Variants in NXPH1 observed in about 807,000 individuals in gnomAD.
NXPH1 encodes neurexophilin-1.
Under a neutral mutation model 23.7 loss-of-function variants are expected in NXPH1, and 5 were observed. The observed-to-expected ratio is 0.21, with a 90% CI of 0.11 to 0.44. The LOEUF (loss-of-function observed/expected upper bound fraction) is 0.44. NXPH1 is among the 20% of genes least tolerant of loss of function. The pLI is 0.99. For missense variants in NXPH1, 324 were observed against 321.6 expected, an observed-to-expected ratio of 1.01 and a Z score of -0.06; for synonymous variants, 144 against 122.2, an observed-to-expected ratio of 1.18 and a Z score of -1.18.
At chr7:8,623,504 GTAAT>G (rs1490949364) in intron 2 of NXPH1, among the ~76,000 whole-genome samples, 1 of 151,692 alleles carries the variant, frequency 6.6e-6, no homozygotes, top group African/African-American at 2.4e-5. Context: ...AAGAAACAGA[GTAAT>G]TAACTACAAA....
intron 2 of NXPH1, chr7:8,690,399 A>G (rs1821205674): frequency 6.6e-6 from 1 of 152,168 alleles, no homozygotes; most frequent in Non-Finnish European, 1.5e-5. Context: ...TCTTAAACCC[A>G]AGTACTTCAC....
intron 2 of NXPH1, among the ~76,000 whole-genome samples, chr7:8,695,912 T>G (rs528642964): frequency 6.6e-6 from 1 of 152,318 alleles, no homozygotes; most frequent in South Asian, 2.1e-4. Flanking sequence ...GTTTCTTAAT[T>G]TCTTCTTTTT....
chr7:8,672,228 C>CA (rs1820880439), intron 2 of NXPH1, among the ~76,000 whole-genome samples: 1 of 151,898 alleles, frequency 6.6e-6, no homozygotes, highest in Non-Finnish European at 1.5e-5. Context: ...ATCGCAAGGA[C>CA]AAAAAACCAA....
intron 2 of NXPH1, among the ~76,000 whole-genome samples, chr7:8,568,940 A>G (rs1220346503): frequency 6.6e-6 from 1 of 151,930 alleles, no homozygotes; most frequent in Non-Finnish European, 1.5e-5. Context: ...TTCCAAGTTA[A>G]CAAATGCAAG....
At chr7:8,480,675 C>A (rs1352774632) in intron 2 of NXPH1, among the ~76,000 whole-genome samples, 1 of 152,176 alleles carries the variant, frequency 6.6e-6, no homozygotes, top group East Asian at 1.9e-4. Flanking sequence ...AACAGCTGTA[C>A]TTTCCAGAAC....
intron 2 of NXPH1, among the ~76,000 whole-genome samples, chr7:8,489,754 T>C (rs1817218206): frequency 1.3e-5 from 2 of 152,108 alleles, no homozygotes; most frequent in South Asian, 4.1e-4. Flanking sequence ...AGGACCTGCC[T>C]TAACATACCC....
intron 2 of NXPH1, among the ~76,000 whole-genome samples, chr7:8,447,917 G>C (rs556506649): frequency 6.6e-6 from 1 of 152,292 alleles, no homozygotes; most frequent in African/African-American, 2.4e-5. Flanking sequence ...CTTCCAGCCA[G>C]GTGGATAATA....
At chr7:8,452,616 A>C (rs1816526616) in intron 2 of NXPH1, among the ~76,000 whole-genome samples, 1 of 152,168 alleles carries the variant, frequency 6.6e-6, no homozygotes, top group Non-Finnish European at 1.5e-5. Context: ...ATTAATTAGG[A>C]TCCTAGGCAA....
At chr7:8,532,183 A>G (rs1817958069) in intron 2 of NXPH1, among the ~76,000 whole-genome samples, 1 of 152,078 alleles carries the variant, frequency 6.6e-6, no homozygotes, top group South Asian at 2.1e-4. Flanking sequence ...AGGGAAAGAT[A>G]TTTTCCTGCT....
At chr7:8,546,561 G>C (rs1030529130) in intron 2 of NXPH1, among the ~76,000 whole-genome samples, 1 of 151,392 alleles carries the variant, frequency 6.6e-6, no homozygotes, top group Admixed American at 6.6e-5. Context: ...GTCTGGAGTA[G>C]AGCTTGTGAA....
At chr7:8,548,248 A>G (rs181164529) in intron 2 of NXPH1, among the ~76,000 whole-genome samples, 68 of 151,660 alleles carry the variant, frequency 4.5e-4, no homozygotes, top group African/African-American at 1.6e-3. Context: ...GGAGTTTACC[A>G]TGCTCCTCAA....
chr7:8,557,218 G>A (rs536307937), intron 2 of NXPH1, among the ~76,000 whole-genome samples: 12 of 151,698 alleles, frequency 7.9e-5, no homozygotes, highest in African/African-American at 2.9e-4. Flanking sequence ...GTTCATGTGG[G>A]TACATCCCGG....
At chr7:8,518,343 T>TTCA (rs1817719497) in intron 2 of NXPH1, among the ~76,000 whole-genome samples, 2 of 152,236 alleles carry the variant, frequency 1.3e-5, no homozygotes, top group East Asian at 3.9e-4. Context: ...CATAAATGTC[T>TTCA]TCATCATCAA....
At chr7:8,749,058 A>G (rs1005143390) in intron 2 of NXPH1, among the ~76,000 whole-genome samples, 4 of 152,116 alleles carry the variant, frequency 2.6e-5, no homozygotes, top group African/African-American at 7.2e-5. Flanking sequence ...ATTTTTTTCC[A>G]CATTCCAAGC....
At chr7:8,471,718 G>C (rs1816875660) in intron 2 of NXPH1, among the ~76,000 whole-genome samples, 1 of 152,048 alleles carries the variant, frequency 6.6e-6, no homozygotes, top group Non-Finnish European at 1.5e-5. Flanking sequence ...CAAAATCTTT[G>C]TGAAGGTTTT....
At chr7:8,462,713 G>T (rs764147024) in intron 2 of NXPH1, among the ~76,000 whole-genome samples, 2 of 152,134 alleles carry the variant, frequency 1.3e-5, no homozygotes, top group Non-Finnish European at 2.9e-5. Context: ...ACAACATGTT[G>T]TACATGATAT....
intron 2 of NXPH1, among the ~76,000 whole-genome samples, chr7:8,522,399 T>C (rs191894541): frequency 6.6e-6 from 1 of 152,350 alleles, no homozygotes; most frequent in African/African-American, 2.4e-5. Flanking sequence ...TTGAATGTGA[T>C]GACTAATTAT....
chr7:8,528,668 A>G (rs977217953), intron 2 of NXPH1, among the ~76,000 whole-genome samples: 1 of 152,194 alleles, frequency 6.6e-6, no homozygotes, highest in Admixed American at 6.5e-5. Context: ...CATAAGGTTT[A>G]CTTTGTTGAA....
chr7:8,508,486 G>T lies in NXPH1; in HGVS notation c.54+72719G>T, dbSNP rs192754383. On this transcript the variant is annotated intron_variant, in intron 2 of 2. Transcript: ENST00000405863. ...CTCTTACATAAAAAGCATTCATTCA[G>T]TGAAAGCTATATTATCGTTAAAGAG... Among the ~76,000 whole-genome samples, 90 of 152,250 alleles carry T rather than the reference G, an allele frequency of 5.9e-4. 1 individual carries two copies. Among genetic ancestry groups the T allele is most frequent in the African/African-American group, 2.0e-3 (83 of 41,562 alleles).
Sources: allele counts gnomAD v4.1 joint callset (sites outside exome capture counted in the v4.1 genomes callset), GRCh38; gene constraint gnomAD v4.1.1; transcripts MANE v1.5; gene names NCBI Gene and HGNC (gene_info 2026-07-23, HGNC 2026-07-21).